Variants in MYRIP observed in about 807,000 individuals in gnomAD.
The protein encoded by MYRIP is rab effector MyRIP.
MYRIP carries 49 observed loss-of-function variants against 98.0 expected under a neutral mutation model. That is an observed-to-expected ratio of 0.50 (90% CI 0.40 to 0.63). The LOEUF is 0.63. Among genes scored for constraint, MYRIP ranks in the 30% least tolerant of loss-of-function variants. The probability of loss-of-function intolerance (pLI) is 0.00; values close to 1 mark genes in which losing one functional copy is unlikely to be tolerated. For synonymous variants in MYRIP, 404 were observed against 409.5 expected, an observed-to-expected ratio of 0.99 and a Z score of 0.16; for missense variants, 1,004 against 1,058.2, an observed-to-expected ratio of 0.95 and a Z score of 0.71.
chr3:39,993,951 C>T (rs1045431686), intron 2 of MYRIP, among the ~76,000 whole-genome samples: 1 of 152,190 alleles, frequency 6.6e-6, no homozygotes, highest in Admixed American at 6.5e-5. Flanking sequence ...CACTGCTTTT[C>T]ATTTGCCTGC....
intron 11 of MYRIP, among the ~76,000 whole-genome samples, chr3:40,218,355 G>C (rs982206388): frequency 6.6e-6 from 1 of 151,794 alleles, no homozygotes; most frequent in Non-Finnish European, 1.5e-5. Context: ...TTCTGGAGAA[G>C]GCAAAACTAT....
At chr3:39,914,446 C>A (rs1012500618) in intron 2 of MYRIP, among the ~76,000 whole-genome samples, 1 of 151,968 alleles carries the variant, frequency 6.6e-6, no homozygotes, top group African/African-American at 2.4e-5. Flanking sequence ...ATTAAAATCC[C>A]AGTTCATTCC....
intron 2 of MYRIP, among the ~76,000 whole-genome samples, chr3:39,967,088 A>T (rs1945461653): frequency 6.6e-6 from 1 of 152,232 alleles, no homozygotes; most frequent in Middle Eastern, 3.2e-3. Flanking sequence ...GGCAGACAGT[A>T]TATGTAAATG....
At chr3:40,245,746 G>C (rs1181059432) in intron 13 of MYRIP, among the ~76,000 whole-genome samples, 1 of 42,956 alleles carries the variant, frequency 2.3e-5, no homozygotes, top group Non-Finnish European at 3.3e-5. Flanking sequence ...CTGGTTTGCT[G>C]ATTTTTTTTT....
chr3:39,899,480 T>C (rs1042621175), intron 1 of MYRIP, among the ~76,000 whole-genome samples: 2 of 152,216 alleles, frequency 1.3e-5, no homozygotes, highest in African/African-American at 4.8e-5. Flanking sequence ...AGGTTAACTA[T>C]GTGAAATCGC....
At chr3:39,914,087 GAC>G (rs1263167977) in intron 2 of MYRIP, among the ~76,000 whole-genome samples, 29 of 152,286 alleles carry the variant, frequency 1.9e-4, no homozygotes, top group African/African-American at 7.0e-4. Context: ...TTCTAGAACA[GAC>G]ATACAAGAGA....
intron 2 of MYRIP, among the ~76,000 whole-genome samples, chr3:39,901,211 C>T (rs906420836): frequency 2.6e-5 from 4 of 152,182 alleles, no homozygotes; most frequent in African/African-American, 9.7e-5. Context: ...CTTGAGCTTC[C>T]TCTTGGCCTT....
chr3:39,825,068 A>C (rs1266508392), intron 1 of MYRIP, among the ~76,000 whole-genome samples: 2 of 152,084 alleles, frequency 1.3e-5, no homozygotes, highest in Non-Finnish European at 2.9e-5. Context: ...ACTTTATTGA[A>C]TTTGTTTATC....
chr3:39,814,499 A>G (rs1400959951), intron 1 of MYRIP, among the ~76,000 whole-genome samples: 1 of 152,122 alleles, frequency 6.6e-6, no homozygotes, highest in East Asian at 1.9e-4. Context: ...TTGAGGCAGG[A>G]GTATAATTGT....
intron 3 of MYRIP, among the ~76,000 whole-genome samples, chr3:40,095,196 A>G (rs572268607): frequency 3.6e-4 from 54 of 152,002 alleles, no homozygotes; most frequent in Admixed American, 9.8e-4. Flanking sequence ...TTCCACTACA[A>G]TCTCCTTTCA....
intron 3 of MYRIP, among the ~76,000 whole-genome samples, chr3:40,098,927 G>A (rs770357876): frequency 6.6e-6 from 1 of 152,078 alleles, no homozygotes; most frequent in Non-Finnish European, 1.5e-5. Flanking sequence ...GTGCGTGTGT[G>A]TGTGTGTGTG....
chr3:40,030,621 T>A (rs1199855050), intron 2 of MYRIP, among the ~76,000 whole-genome samples: 1 of 152,188 alleles, frequency 6.6e-6, no homozygotes, highest in East Asian at 1.9e-4. Flanking sequence ...GGTATATCCA[T>A]AAATTGAATA....
chr3:39,886,077 C>G (rs1477482577), intron 1 of MYRIP, among the ~76,000 whole-genome samples: 2 of 151,988 alleles, frequency 1.3e-5, no homozygotes, highest in African/African-American at 2.4e-5. Flanking sequence ...AATTTCATAT[C>G]CAGCCAAACT....
At chr3:40,171,537 A>G (rs1950612821) in intron 8 of MYRIP, among the ~76,000 whole-genome samples, 1 of 152,362 alleles carries the variant, frequency 6.6e-6, no homozygotes, top group South Asian at 2.1e-4. Context: ...TCCAGAAAGT[A>G]GAAATTCCCA....
At chr3:40,256,559 T>TA (rs1048426507) in intron 16 of MYRIP, among the ~76,000 whole-genome samples, 5 of 151,854 alleles carry the variant, frequency 3.3e-5, no homozygotes, top group African/African-American at 9.7e-5. Context: ...GTAAGTCACA[T>TA]AAAAAAACTG....
At chr3:40,151,856 T>C (rs559615639) in intron 4 of MYRIP, among the ~76,000 whole-genome samples, 1 of 152,194 alleles carries the variant, frequency 6.6e-6, no homozygotes. Flanking sequence ...ATCACTTGGC[T>C]AACACAGGTA....
intron 1 of MYRIP, among the ~76,000 whole-genome samples, chr3:39,886,000 C>A (rs1943292005): frequency 6.6e-6 from 1 of 152,044 alleles, no homozygotes. Flanking sequence ...CTCAGCTCAT[C>A]AAAGTCATTC....
intron 1 of MYRIP, among the ~76,000 whole-genome samples, chr3:39,832,069 A>C (rs1941466286): frequency 6.6e-6 from 1 of 152,164 alleles, no homozygotes; most frequent in Non-Finnish European, 1.5e-5. Flanking sequence ...TCTGCGAGGA[A>C]TCTCTTTCTG....
chr3:40,026,267 C>T (rs1025887121), intron 2 of MYRIP, among the ~76,000 whole-genome samples: 1 of 152,114 alleles, frequency 6.6e-6, no homozygotes, highest in African/African-American at 2.4e-5. Context: ...AAAAATATGG[C>T]TCTATTTTGT....
Sources: allele counts gnomAD v4.1 joint callset (sites outside exome capture counted in the v4.1 genomes callset), GRCh38; gene constraint gnomAD v4.1.1; transcripts MANE v1.5; gene names NCBI Gene and HGNC (gene_info 2026-07-23, HGNC 2026-07-21).